The following MCM8 variants were observed in gnomAD, a reference collection of about 807,000 sequenced individuals.
MCM8 encodes DNA helicase MCM8.
In MCM8, 85 loss-of-function variants were observed where a neutral mutation model predicts 98.9. The ratio of observed to expected loss-of-function variants is 0.86; its 90% CI spans 0.72 to 1.03. The LOEUF (loss-of-function observed/expected upper bound fraction) is 1.03, where lower values mean the gene tolerates loss of function less well. Ranked by LOEUF, MCM8 falls within the 50% of genes least tolerant of loss-of-function variation. The probability of loss-of-function intolerance (pLI) is 0.00; values close to 1 mark genes in which losing one functional copy is unlikely to be tolerated. For missense variants in MCM8, 951 were observed against 997.8 expected (o/e 0.95, Z 0.63); for synonymous variants, 352 against 338.6 (o/e 1.04, Z -0.44).
intron 4 of MCM8, 55 bp downstream of exon 4, chr20:5,954,745 C>G: frequency 9.7e-7 from 1 of 1,028,822 alleles, no homozygotes; most frequent in Non-Finnish European, 1.5e-6. Context: ...CCAATGTATT[C>G]GAGGTACTTG....
rs182246976 is a variant in MCM8, at chr20:5,954,740, G to C, written c.336+50G>C. On this transcript the variant is annotated intron_variant, in intron 4 of 18. Transcript: ENST00000610722. ...ACCAGTCATGTGCCATCTTACCAATGTATTCGAGGTACTTGTGATTATGAT... is the reference window on the plus strand; with the variant it reads ...ACCAGTCATGTGCCATCTTACCAATCTATTCGAGGTACTTGTGATTATGAT... 32 of 1,030,150 alleles carry C rather than the reference G, an allele frequency of 3.1e-5. No individual in the cohort carries two copies. The African/African-American group carries it at 5.0e-4, about 16-fold the overall frequency. The allele number at this position is 1,030,150 out of a possible 1,614,324, so 63.8% of individuals were successfully genotyped here. A position where few individuals can be genotyped will look rare whatever the true frequency, so the allele number is the denominator to read the frequency against.
In MCM8 at chr20:5,985,910, A is replaced by T. The variant is rs1409694233; in HGVS notation, c.1954-12A>T. The T allele has an allele frequency of 6.2e-7, 1 of 1,613,466 alleles. No homozygotes were observed. Among genetic ancestry groups the T allele is most frequent in the Non-Finnish European group, 8.5e-7 (1 of 1,179,484 alleles). Reference sequence around the variant, plus strand: ...TATCCTTGTTATCTTGGGCCTTTTAATCATGCTTCAGGTGGTTCCTGGAGA... The same window carrying T: ...TATCCTTGTTATCTTGGGCCTTTTATTCATGCTTCAGGTGGTTCCTGGAGA... On this transcript the variant is annotated splice_polypyrimidine_tract_variant and intron_variant, in intron 15 of 18. Transcript: ENST00000610722.
chr20:5,981,704 CGTA>C (rs918553809), intron 13 of MCM8, among the ~76,000 whole-genome samples: 8 of 152,144 alleles, frequency 5.3e-5, no homozygotes, highest in African/African-American at 1.9e-4. Context: ...GAAGAAATAA[CGTA>C]GGAAGAAAGA....
chr20:5,953,798 T>C (rs1202198887), intron 3 of MCM8, among the ~76,000 whole-genome samples: 2 of 151,758 alleles, frequency 1.3e-5, no homozygotes, highest in African/African-American at 4.9e-5. Flanking sequence ...TTAGGAAAAC[T>C]AGACGTTTGA....
chr20:5,958,697 C>T lies in MCM8; in HGVS notation c.760C>T (p.Pro254Ser), dbSNP rs200665468. ...ACGEIQSFPLPDGKYSLPTKC... is the reference protein window; with the variant it reads ...ACGEIQSFPLSDGKYSLPTKC... The stretch of plus-strand genomic sequence containing the variant: ...TGGAGAAATTCAGAGCTTTCCTCTT[C>T]CAGATGGAAAATACAGTCTTCCCAC... The change falls in exon 7 of 19, where the codon CCA becomes TCA. Residue 254 changes from proline (P) to serine (S), a missense_variant. Coordinates refer to ENST00000610722, the MANE Select transcript of MCM8 (RefSeq NM_032485.6). 1.7e-5 allele frequency: 27 copies of T among 1,614,120 alleles called. No homozygotes were observed. In the East Asian group the frequency reaches 4.9e-4, roughly 29 times the overall value.
At chr20:5,965,052 G>A (rs1347886587) in intron 8 of MCM8, 2 of 152,076 alleles carry the variant, frequency 1.3e-5, no homozygotes, top group Non-Finnish European at 2.9e-5. Flanking sequence ...TCTCCGTTCC[G>A]ACATTACTTT....
Position 5,952,073 on chromosome 20 carries a change from AGGGGAAGAGGT to A in MCM8, c.61_71del (p.Gly21TrpfsTer15). 1 of 1,614,078 alleles carries A rather than the reference AGGGGAAGAGGT, an allele frequency of 6.2e-7. No homozygotes were observed. The highest frequency in any genetic ancestry group is 8.5e-7 in the Non-Finnish European group (1 of 1,179,962). On this transcript the variant is annotated frameshift_variant, in exon 2 of 19. Transcript: ENST00000610722. LOFTEE classifies it high-confidence loss of function. ...ACGAGGAAGATTTCAAAGCTGGAAAAGGGGAAGAGGTGGTGGGAACTTCTCAGGAAAATGGA... is the reference window on the plus strand; with the variant it reads ...ACGAGGAAGATTTCAAAGCTGGAAAAGGTGGGAACTTCTCAGGAAAATGGA...
In MCM8 at chr20:5,952,413, AT is replaced by A. The variant is rs1322422550; in HGVS notation, c.149-4del. 1 of 1,611,804 alleles carries A rather than the reference AT, an allele frequency of 6.2e-7. No individual in the cohort carries two copies. Among genetic ancestry groups the A allele is most frequent in the Non-Finnish European group, 8.5e-7 (1 of 1,179,000 alleles). On this transcript the variant is annotated splice_polypyrimidine_tract_variant and intron_variant, in intron 2 of 18. Transcript: ENST00000610722. ...TCTGTTTCTACTAACCTAGTATTTT[AT>A]TTTTTTCAGAACAAACCCCACAGTT...
rs561897750 is a variant in MCM8 at position 5,998,415 on chromosome 20, G to A, written c.*4024G>A. The A allele has an allele frequency of 2.6e-5, 4 of 152,372 alleles. No individual in the cohort carries two copies. The East Asian group carries it at 5.8e-4, about 22-fold the overall frequency. The allele number at this position is 152,372 out of a possible 1,614,324, so 9.4% of individuals were successfully genotyped here. A position where few individuals can be genotyped will look rare whatever the true frequency, so the allele number is the denominator to read the frequency against. On this transcript the variant is annotated 3_prime_UTR_variant, in exon 19 of 19. Coordinates refer to ENST00000610722, the MANE Select transcript of MCM8 (RefSeq NM_032485.6). ...ATCTTCCTCTTGCTTGTGTTCTGGTGGCATGTGTGGTTGAGGAGACATTTA... is the reference window on the plus strand; with the variant it reads ...ATCTTCCTCTTGCTTGTGTTCTGGTAGCATGTGTGGTTGAGGAGACATTTA...
chr20:5,968,011 T>C lies in MCM8; in HGVS notation c.1209T>C (p.Phe403=). The stretch of plus-strand genomic sequence containing the variant: ...AGATTCAAGCTGAAGAAAACCTGTT[T>C]AAACTCATTGTCAAGTATGTATGCT... ...IQEIQAEENL[F]KLIVNSLCPV... is the part of the protein sequence containing the mutation. Residue 403 remains phenylalanine (F), a synonymous_variant, in exon 10 of 19, where the codon TTT becomes TTC. Transcript: ENST00000610722. 1 of 1,608,856 alleles carries C rather than the reference T, an allele frequency of 6.2e-7. No individual in the cohort carries two copies.
In MCM8 at chr20:5,958,807, C is replaced by G. The variant is rs73894096; in HGVS notation, c.789+81C>G. Reference sequence around the variant, plus strand: ...ATACAGAAAACATTTCCCAGTGTTTCTGAACACAGAGCTTATTTTTATTTT... The same window carrying G: ...ATACAGAAAACATTTCCCAGTGTTTGTGAACACAGAGCTTATTTTTATTTT... On this transcript the variant is annotated intron_variant, in intron 7 of 18. Transcript: ENST00000610722. 8,329 of 1,245,490 alleles carry G rather than the reference C, an allele frequency of 6.7e-3. 230 individuals carry two copies. In the African/African-American group the frequency reaches 0.079, roughly 12 times the overall value. 77.2% of individuals were successfully genotyped at this position (1,245,490 alleles called of 1,614,324 possible).
intron 14 of MCM8, among the ~76,000 whole-genome samples, 193 bp downstream of exon 14, chr20:5,983,358 T>C (rs1443584572): frequency 6.6e-6 from 1 of 152,184 alleles, no homozygotes; most frequent in Non-Finnish European, 1.5e-5. Context: ...ATCCACCAGA[T>C]TGGCAAACAT....
At chr20:5,956,796 T>G (rs1409543736) in intron 5 of MCM8, among the ~76,000 whole-genome samples, 1 of 151,838 alleles carries the variant, frequency 6.6e-6, no homozygotes, top group Non-Finnish European at 1.5e-5. Flanking sequence ...TATAGAGAAA[T>G]AGGAATGCAT....
rs2089952451 is a variant in MCM8, at chr20:5,996,023, A to C, written c.*1632A>C. The C allele has an allele frequency of 6.6e-6, 1 of 152,326 alleles. No individual in the cohort carries two copies. Among genetic ancestry groups the C allele is most frequent in the South Asian group, 2.1e-4 (1 of 4,832 alleles). 9.4% of individuals were successfully genotyped at this position (152,326 alleles called of 1,614,324 possible). On this transcript the variant is annotated 3_prime_UTR_variant, in exon 19 of 19. Transcript: ENST00000610722. ...GGGCCAGGTGCAGTGGCTCACATCT[A>C]TAATCCCAGAGCTTTGGGAGTTCGA... is the stretch of plus-strand genomic sequence containing the variant.
chr20:5,978,334 A>T (rs2089557424), intron 13 of MCM8, among the ~76,000 whole-genome samples: 1 of 152,124 alleles, frequency 6.6e-6, no homozygotes, highest in Non-Finnish European at 1.5e-5. Flanking sequence ...CATTTTTTTT[A>T]AAAGCCTGTT....
intron 17 of MCM8, chr20:5,991,157 C>T (rs1024347202): frequency 6.6e-6 from 1 of 152,248 alleles, no homozygotes; most frequent in African/African-American, 2.4e-5. Context: ...TACTGTTTCC[C>T]CACAGTAAAT....
intron 7 of MCM8, among the ~76,000 whole-genome samples, chr20:5,959,030 C>T (rs1031446930): frequency 3.9e-5 from 6 of 152,124 alleles, no homozygotes; most frequent in African/African-American, 1.2e-4. Flanking sequence ...GATCATTATC[C>T]TGAAGTTATT....
At position 5,981,943 on chromosome 20, in the gene MCM8, G is replaced by C. The variant is rs143131410; in HGVS notation, c.1538-1027G>C. On this transcript the variant is annotated intron_variant, in intron 13 of 18. Coordinates refer to ENST00000610722, the MANE Select transcript of MCM8 (RefSeq NM_032485.6). ...GAGAAATTATAAAGAGGAAAGGCTT[G>C]AGATAATTGCAGTGAATGCAAAAGA... Among the ~76,000 whole-genome samples, 81 of 152,300 alleles carry C rather than the reference G, an allele frequency of 5.3e-4. 1 individual carries two copies. Among genetic ancestry groups the C allele is most frequent in the African/African-American group, 1.9e-3 (77 of 41,580 alleles).
chr20:5,978,953 A>T (rs1419028444), intron 13 of MCM8, among the ~76,000 whole-genome samples: 1 of 152,212 alleles, frequency 6.6e-6, no homozygotes, highest in Non-Finnish European at 1.5e-5. Flanking sequence ...AAGTCCAGGC[A>T]TAGGGCCCAG....
Sources: gnomAD v4.1 joint callset for allele counts (sites outside exome capture counted in the v4.1 genomes callset) on GRCh38, gnomAD v4.1.1 for gene constraint, MANE v1.5 for transcripts, NCBI Gene and HGNC (gene_info 2026-07-23, HGNC 2026-07-21) for gene names.